SLC10A7: variants seen among roughly 807,000 people sequenced by gnomAD.
The protein encoded by SLC10A7 is sodium/bile acid cotransporter 7.
In SLC10A7, 29 loss-of-function variants were observed where a neutral mutation model predicts 43.2. The observed-to-expected ratio is 0.67, with a 90% confidence interval of 0.50 to 0.92. The LOEUF (loss-of-function observed/expected upper bound fraction) is 0.92. Among genes scored for constraint, SLC10A7 ranks in the 40% least tolerant of loss-of-function variants. The pLI is 0.00. For synonymous variants in SLC10A7, 152 were observed against 144.8 expected (o/e 1.05, Z -0.35); for missense variants, 295 against 403.2 (o/e 0.73, Z 2.30).
chr4:146,390,872 A>C (rs553082613), intron 5 of SLC10A7, among the ~76,000 whole-genome samples: 4 of 145,898 alleles, frequency 2.7e-5, no homozygotes, highest in East Asian at 3.9e-4. Flanking sequence ...AAGTTAAAAC[A>C]AAAAAAAAAT....
chr4:146,462,320 T>C (rs1732617579), intron 4 of SLC10A7, among the ~76,000 whole-genome samples: 1 of 152,120 alleles, frequency 6.6e-6, no homozygotes. Context: ...TTCAGCAGAA[T>C]GTGGTTTAAA....
At chr4:146,308,912 C>A (rs940783800) in intron 6 of SLC10A7, among the ~76,000 whole-genome samples, 1 of 152,142 alleles carries the variant, frequency 6.6e-6, no homozygotes, top group African/African-American at 2.4e-5. Context: ...TGCATTCAAT[C>A]ATTCAAGTAG....
chr4:146,355,143 A>G (rs1735476400), intron 5 of SLC10A7, among the ~76,000 whole-genome samples: 1 of 149,630 alleles, frequency 6.7e-6, no homozygotes, highest in African/African-American at 2.5e-5. Context: ...TACTCATCTG[A>G]CAAAGGGCTA....
chr4:146,346,514 A>G (rs988700178), intron 5 of SLC10A7, among the ~76,000 whole-genome samples: 1 of 152,202 alleles, frequency 6.6e-6, no homozygotes, highest in African/African-American at 2.4e-5. Context: ...AAGTGAATCA[A>G]AATAAAGCTA....
chr4:146,476,600 T>C lies in SLC10A7; in HGVS notation c.396+27249A>G, dbSNP rs180707788. On this transcript the variant is annotated intron_variant, in intron 4 of 11. Coordinates refer to ENST00000335472, the MANE Select transcript of SLC10A7 (RefSeq NM_001029998.6). ...AACAGCACCCTGAGCCACAGTCTAG[T>C]GGGATGCTGGATCTCCTTTCTTTTG... 4.1e-3 allele frequency among the ~76,000 whole-genome samples: 629 copies of C among 152,286 alleles called. 4 individuals are homozygous for C. Among genetic ancestry groups the C allele is most frequent in the African/African-American group, 0.014 (593 of 41,578 alleles).
chr4:146,452,070 A>G (rs1312247180), intron 4 of SLC10A7, among the ~76,000 whole-genome samples: 2 of 152,080 alleles, frequency 1.3e-5, no homozygotes, highest in African/African-American at 2.4e-5. Flanking sequence ...TGACACCACC[A>G]TGTTCCTAAA....
At chr4:146,258,645 C>CA in intron 11 of SLC10A7, 47 bp downstream of exon 11, 1 of 1,541,696 alleles carries the variant, frequency 6.5e-7, no homozygotes, top group South Asian at 1.2e-5. Context: ...TCAGGAACAG[C>CA]ATTTTAATCT....
intron 1 of SLC10A7, 91 bp from the exon 2 acceptor site, chr4:146,517,211 C>A: frequency 9.4e-7 from 1 of 1,062,850 alleles, no homozygotes; most frequent in Non-Finnish European, 1.4e-6. Flanking sequence ...ACCTGTAATC[C>A]CAGCACTTTG....
In SLC10A7 at chr4:146,472,431, A is replaced by G. The variant is rs913498877; in HGVS notation, c.397-29610T>C. On this transcript the variant is annotated intron_variant, in intron 4 of 11. Coordinates refer to ENST00000335472, the MANE Select transcript of SLC10A7 (RefSeq NM_001029998.6). The stretch of plus-strand genomic sequence containing the variant: ...CTCATTTACATATCTGTGCAGGCTT[A>G]TTCTGTTTTTTTTTTTTTTTTTTCC... Among the ~76,000 whole-genome samples, 5 of 130,946 alleles carry G rather than the reference A, an allele frequency of 3.8e-5. No individual in the cohort carries two copies. The Admixed American group carries it at 4.3e-4, about 11-fold the overall frequency. The allele number at this position is 130,946 out of a possible 152,430, so 85.9% of individuals were successfully genotyped here.
chr4:146,380,878 T>A (rs917148031), intron 5 of SLC10A7, among the ~76,000 whole-genome samples: 2 of 152,074 alleles, frequency 1.3e-5, no homozygotes, highest in African/African-American at 2.4e-5. Context: ...TTCCCAGAAG[T>A]TAAAAAAAAT....
At chr4:146,388,648 A>C (rs1045602540) in intron 5 of SLC10A7, among the ~76,000 whole-genome samples, 1 of 151,908 alleles carries the variant, frequency 6.6e-6, no homozygotes, top group Non-Finnish European at 1.5e-5. Context: ...AGTCCCAGCT[A>C]CTCAAGAGGC....
chr4:146,429,373 C>T (rs1729605170), intron 5 of SLC10A7, among the ~76,000 whole-genome samples: 1 of 152,080 alleles, frequency 6.6e-6, no homozygotes, highest in African/African-American at 2.4e-5. Flanking sequence ...AAATAGCATT[C>T]ATTGGGTGAT....
chr4:146,356,494 C>T (rs1270518826), intron 5 of SLC10A7, among the ~76,000 whole-genome samples: 1 of 151,926 alleles, frequency 6.6e-6, no homozygotes, highest in Non-Finnish European at 1.5e-5. Context: ...TACTCTTTTA[C>T]CTTCTTCCCC....
chr4:146,347,481 A>T (rs1163055685), intron 5 of SLC10A7, among the ~76,000 whole-genome samples: 3 of 152,244 alleles, frequency 2.0e-5, no homozygotes, highest in Non-Finnish European at 4.4e-5. Context: ...ACCGAATGTT[A>T]CCAGTGCTGC....
chr4:146,491,441 G>A (rs1212344254), intron 4 of SLC10A7, among the ~76,000 whole-genome samples: 1 of 151,984 alleles, frequency 6.6e-6, no homozygotes, highest in Non-Finnish European at 1.5e-5. Context: ...TGTTTTTCAA[G>A]CTGTGGTCAC....
chr4:146,388,496 C>T (rs967579493), intron 5 of SLC10A7, among the ~76,000 whole-genome samples: 9 of 152,116 alleles, frequency 5.9e-5, no homozygotes, highest in East Asian at 3.8e-4. Context: ...TGGTGGATCA[C>T]GCCTGTAATC....
chr4:146,392,997 T>C (rs1305638345), intron 5 of SLC10A7, among the ~76,000 whole-genome samples: 2 of 151,914 alleles, frequency 1.3e-5, no homozygotes, highest in Non-Finnish European at 2.9e-5. Context: ...CATGGTGTTC[T>C]CTCTTAATAA....
chr4:146,422,356 G>T (rs1404379776), intron 5 of SLC10A7, among the ~76,000 whole-genome samples: 1 of 152,028 alleles, frequency 6.6e-6, no homozygotes, highest in African/African-American at 2.4e-5. Flanking sequence ...TAATTTAGAG[G>T]CCATACCATA....
At chr4:146,454,295 C>T (rs1731859495) in intron 4 of SLC10A7, among the ~76,000 whole-genome samples, 1 of 151,856 alleles carries the variant, frequency 6.6e-6, no homozygotes, top group African/African-American at 2.4e-5. Context: ...CTCCTGAAAT[C>T]TCAGTCTTCA....
Sources: allele counts gnomAD v4.1 joint callset (sites outside exome capture counted in the v4.1 genomes callset), GRCh38; gene constraint gnomAD v4.1.1; transcripts MANE v1.5; gene names NCBI Gene and HGNC (gene_info 2026-07-23, HGNC 2026-07-21).